Variants in FLNB observed in about 807,000 individuals in gnomAD.
The protein encoded by FLNB is filamin B.
Under a neutral mutation model 250.6 loss-of-function variants are expected in FLNB, and 111 were observed. That is an observed-to-expected ratio of 0.44 (90% CI 0.38 to 0.52). FLNB has a LOEUF of 0.52. Ranked by LOEUF, FLNB falls within the 20% of genes least tolerant of loss-of-function variation. FLNB has a pLI of 0.00. For missense variants in FLNB, 2,869 were observed against 3,447.8 expected (o/e 0.83, Z 4.20); for synonymous variants, 1,302 against 1,372.1 (o/e 0.95, Z 1.13).
At chr3:58,099,035 T>C in intron 8 of FLNB, 127 bp downstream of exon 8, 1 of 795,804 alleles carries the variant, frequency 1.3e-6, no homozygotes, top group Non-Finnish European at 2.2e-6. Flanking sequence ...CTGCCAGGGC[T>C]ACTTCAGCAG....
intron 1 of FLNB, among the ~76,000 whole-genome samples, chr3:58,019,802 C>T (rs986210351): frequency 1.3e-5 from 2 of 152,186 alleles, no homozygotes; most frequent in Non-Finnish European, 2.9e-5. Flanking sequence ...TTTCCCACAC[C>T]GTGGAGCTCT....
intron 6 of FLNB, among the ~76,000 whole-genome samples, chr3:58,096,974 T>C (rs13067161): frequency 5.3e-5 from 8 of 152,254 alleles, no homozygotes; most frequent in African/African-American, 1.9e-4. Flanking sequence ...AGGCTCTTTG[T>C]CTTGGCAGCC....
At chr3:58,133,115 T>A (rs1028993697) in intron 26 of FLNB, among the ~76,000 whole-genome samples, 184 bp downstream of exon 26, 4 of 150,214 alleles carry the variant, frequency 2.7e-5, no homozygotes, top group Admixed American at 2.7e-4. Flanking sequence ...ATCCATTCTT[T>A]CATCATTCCA....
At chr3:58,047,002 A>T (rs977680589) in intron 1 of FLNB, among the ~76,000 whole-genome samples, 1 of 152,202 alleles carries the variant, frequency 6.6e-6, no homozygotes, top group Non-Finnish European at 1.5e-5. Flanking sequence ...GTAGGATTTG[A>T]ATTTTCAAAT....
chr3:58,060,948 T>C (rs1401846056), intron 1 of FLNB, among the ~76,000 whole-genome samples: 1 of 152,162 alleles, frequency 6.6e-6, no homozygotes, highest in Non-Finnish European at 1.5e-5. Flanking sequence ...GGGAGATTGC[T>C]TGTCCAGGAC....
chr3:58,149,697 C>G (rs1208965564), intron 36 of FLNB, 153 bp from the exon 37 acceptor site: 1 of 886,262 alleles, frequency 1.1e-6, no homozygotes, highest in Non-Finnish European at 1.8e-6. Context: ...CTACTCATCC[C>G]CCTCTGGGCT....
At chr3:58,062,271 C>T (rs1286066747) in intron 1 of FLNB, among the ~76,000 whole-genome samples, 3 of 152,158 alleles carry the variant, frequency 2.0e-5, no homozygotes, top group Non-Finnish European at 4.4e-5. Flanking sequence ...CAGGATTGTA[C>T]AATTCATACT....
At position 58,169,333 on chromosome 3, in the gene FLNB, G is replaced by T. The variant is rs2097377030; in HGVS notation, c.7418-257G>T. ...ATCTTTGGTGGGTAGGGGGTGGGGG[G>T]ATTGGGAGGGTCCTTGGCCTTGTCA... On this transcript the variant is annotated intron_variant, in intron 44 of 45. Transcript: ENST00000295956. The surrounding 1 kb of genome is among the most constrained non-coding windows in gnomAD (Gnocchi z 4.8). The T allele has an allele frequency of 5.7e-6, 3 of 524,902 alleles. No individual in the cohort carries two copies. The highest frequency in any genetic ancestry group is 6.7e-5 in the East Asian group (2 of 29,660). 32.5% of individuals were successfully genotyped at this position (524,902 alleles called of 1,614,324 possible). A position where few individuals can be genotyped will look rare whatever the true frequency, so the allele number is the denominator to read the frequency against.
At chr3:58,067,768 T>G (rs1203538312) in intron 1 of FLNB, among the ~76,000 whole-genome samples, 1 of 152,070 alleles carries the variant, frequency 6.6e-6, no homozygotes, top group Non-Finnish European at 1.5e-5. Context: ...GGCTAATTTT[T>G]TGCATTTTTT....
At chr3:58,103,850 T>C in intron 9 of FLNB, 109 bp from the exon 10 acceptor site, 1 of 1,357,886 alleles carries the variant, frequency 7.4e-7, no homozygotes. Context: ...TTGGTTTTTA[T>C]GTATGGTTTA....
intron 1 of FLNB, among the ~76,000 whole-genome samples, chr3:58,028,348 A>T (rs572045610): frequency 3.9e-4 from 59 of 152,014 alleles, no homozygotes; most frequent in Admixed American, 9.8e-4. Context: ...AAATTCTGTC[A>T]TGTGTACATG....
chr3:58,142,122 C>G lies in FLNB; in HGVS notation c.5181+193C>G, dbSNP rs1426636486. Among the ~76,000 whole-genome samples the G allele has an allele frequency of 6.6e-6, 1 of 152,174 alleles. No individual in the cohort carries two copies. Among genetic ancestry groups the G allele is most frequent in the Non-Finnish European group, 1.5e-5 (1 of 68,032 alleles). On this transcript the variant is annotated intron_variant, in intron 30 of 45. Transcript: ENST00000295956. The surrounding 1 kb of genome is among the most constrained non-coding windows in gnomAD (Gnocchi z 4.3). ...GATCACCTTTGCGTCACCATCCGTG[C>G]TCCACGAATCGCCAGCCGTCGTGTC...
At chr3:58,019,315 TG>T (rs2097110366) in intron 1 of FLNB, among the ~76,000 whole-genome samples, 1 of 152,240 alleles carries the variant, frequency 6.6e-6, no homozygotes, top group South Asian at 2.1e-4. Flanking sequence ...ACTCCCTGTC[TG>T]TCCCCTCTTT....
chr3:58,138,554 C>T, intron 29 of FLNB, 25 bp downstream of exon 29: 1 of 1,613,856 alleles, frequency 6.2e-7, no homozygotes, highest in South Asian at 1.1e-5. Flanking sequence ...TTCTCCCGAG[C>T]ATGCTGTTAT....
At chr3:58,125,118 C>T (rs1047132555) in intron 22 of FLNB, among the ~76,000 whole-genome samples, 1 of 152,070 alleles carries the variant, frequency 6.6e-6, no homozygotes, top group Non-Finnish European at 1.5e-5. Context: ...CAGATCATAC[C>T]TACATTACTG....
At chr3:58,015,725 C>A (rs1447564054) in intron 1 of FLNB, among the ~76,000 whole-genome samples, 3 of 152,022 alleles carry the variant, frequency 2.0e-5, no homozygotes, top group African/African-American at 7.2e-5. Context: ...TTCTGCGTTT[C>A]CAGTCAGCTT....
At chr3:58,011,993 C>G (rs916374280) in intron 1 of FLNB, among the ~76,000 whole-genome samples, 3 of 152,086 alleles carry the variant, frequency 2.0e-5, no homozygotes, top group Non-Finnish European at 4.4e-5. Context: ...GGTGGATCAC[C>G]TGAGGTCAGG....
At chr3:58,102,104 A>G (rs1220136014) in intron 8 of FLNB, 99 bp from the exon 9 acceptor site, 9 of 1,423,276 alleles carry the variant, frequency 6.3e-6, no homozygotes, top group Non-Finnish European at 6.9e-6. Flanking sequence ...ATTTGTGCAA[A>G]GCAAATATTT....
chr3:58,159,372 T>A (rs924030949), intron 41 of FLNB, among the ~76,000 whole-genome samples, 182 bp from the exon 42 acceptor site: 1 of 152,186 alleles, frequency 6.6e-6, no homozygotes, highest in Non-Finnish European at 1.5e-5. Flanking sequence ...ACCATGCAGA[T>A]GCACGTCTCT....
Sources: allele counts gnomAD v4.1 joint callset (sites outside exome capture counted in the v4.1 genomes callset), GRCh38; gene constraint gnomAD v4.1.1; non-coding constraint Gnocchi (gnomAD v3.1); transcripts MANE v1.5; gene names NCBI Gene and HGNC (gene_info 2026-07-23, HGNC 2026-07-21).